The following NMS variants were observed in gnomAD, a reference collection of about 807,000 sequenced individuals.
NMS encodes the protein neuromedin-S.
Under a neutral mutation model 32.2 loss-of-function variants are expected in NMS, and 30 were observed. The ratio of observed to expected loss-of-function variants is 0.93; its 90% CI spans 0.70 to 1.26. The LOEUF (loss-of-function observed/expected upper bound fraction) is 1.26, where lower values mean the gene tolerates loss of function less well. Ranked by LOEUF, NMS falls within the 50% of genes most tolerant of loss-of-function variation. NMS has a pLI of 0.00. For synonymous variants in NMS, 76 were observed against 58.5 expected, an observed-to-expected ratio of 1.30 and a Z score of -1.37; for missense variants, 190 against 186.3, an observed-to-expected ratio of 1.02 and a Z score of -0.12.
intron 5 of NMS, among the ~76,000 whole-genome samples, chr2:100,478,981 G>T (rs1032517598): frequency 6.6e-6 from 1 of 152,134 alleles, no homozygotes; most frequent in Non-Finnish European, 1.5e-5. Context: ...TACGGGGGCT[G>T]CCCTCCACCT....
At chr2:100,481,050 C>A in intron 7 of NMS, 76 bp from the exon 8 acceptor site, 1 of 1,473,830 alleles carries the variant, frequency 6.8e-7, no homozygotes, top group Non-Finnish European at 9.5e-7. Flanking sequence ...ATTTTGAAAA[C>A]TGTTCCTATA....
chr2:100,470,497 T>G lies in NMS; in HGVS notation c.9T>G (p.His3Gln), dbSNP rs771591187. Residue 3 changes from histidine (H) to glutamine (Q), a missense_variant, in exon 1 of 10, where the codon CAT becomes CAG. Physicochemically the swap from His to Gln is conservative, Grantham distance 24. Transcript: ENST00000376865. MK[H>Q]LRPQFPLILA... ...GAAACCAGACTCTCACAATGAAACA[T>G]CTTCGTCCCCAGTTCCCTCTCATCT... 98 of 1,613,694 alleles carry G rather than the reference T, an allele frequency of 6.1e-5. 1 individual carries two copies. The South Asian group carries it at 1.0e-3, about 17-fold the overall frequency.
rs746337222 is a variant in NMS at position 100,481,122 on chromosome 2, G to A, written c.373-4G>A. ...ATAATGGCTTGTGTTTCTATATGTTGCAGGATCACACTGCGACCTGGGGAC... is the reference window on the plus strand; with the variant it reads ...ATAATGGCTTGTGTTTCTATATGTTACAGGATCACACTGCGACCTGGGGAC... On this transcript the variant is annotated splice_polypyrimidine_tract_variant and splice_region_variant and intron_variant, in intron 7 of 9. Transcript: ENST00000376865. 12 of 1,614,020 alleles carry A rather than the reference G, an allele frequency of 7.4e-6. No homozygotes were observed. The highest frequency in any genetic ancestry group is 1.0e-5 in the Non-Finnish European group (12 of 1,179,924).
intron 6 of NMS, 57 bp from the exon 7 acceptor site, chr2:100,480,439 A>G (rs1395044270): frequency 1.9e-6 from 3 of 1,576,622 alleles, no homozygotes; most frequent in Non-Finnish European, 2.6e-6. Context: ...CTGCAAGACA[A>G]CTGCAAGGTC....
At chr2:100,478,142 A>C (rs1677147335) in intron 5 of NMS, among the ~76,000 whole-genome samples, 1 of 152,222 alleles carries the variant, frequency 6.6e-6, no homozygotes, top group East Asian at 1.9e-4. Flanking sequence ...TTGTATTTTT[A>C]GTAGACATGG....
chr2:100,480,441 T>C (rs13393776), intron 6 of NMS, 55 bp from the exon 7 acceptor site: 363,370 of 1,581,790 alleles, frequency 0.23, 43,001 homozygotes, highest in East Asian at 0.32. Flanking sequence ...GCAAGACAAC[T>C]GCAAGGTCAT....
intron 1 of NMS, among the ~76,000 whole-genome samples, chr2:100,472,053 G>C (rs567726448): frequency 6.6e-6 from 1 of 152,238 alleles, no homozygotes; most frequent in East Asian, 1.9e-4. Context: ...GAGAACGCAG[G>C]GAACAAAATA....
chr2:100,472,657 T>C, intron 1 of NMS, 138 bp from the exon 2 acceptor site: 1 of 580,822 alleles, frequency 1.7e-6, no homozygotes, highest in South Asian at 2.4e-5. Context: ...CAGATCTTAC[T>C]TTCCCACTGA....
chr2:100,474,641 C>T (rs1222242239), intron 3 of NMS, among the ~76,000 whole-genome samples: 7 of 152,204 alleles, frequency 4.6e-5, no homozygotes, highest in Admixed American at 3.9e-4. Flanking sequence ...TTAAATGCTT[C>T]ATATTTGTGA....
At chr2:100,480,093 T>A (rs895062966) in intron 6 of NMS, among the ~76,000 whole-genome samples, 1 of 152,200 alleles carries the variant, frequency 6.6e-6, no homozygotes, top group Non-Finnish European at 1.5e-5. Flanking sequence ...TCTGACCCCC[T>A]GCTAACCGCA....
intron 1 of NMS, among the ~76,000 whole-genome samples, chr2:100,471,399 A>C (rs917479707): frequency 6.6e-6 from 1 of 152,208 alleles, no homozygotes; most frequent in Non-Finnish European, 1.5e-5. Flanking sequence ...TGGGCCTTGC[A>C]AAGGACCATG....
intron 9 of NMS, 80 bp downstream of exon 9, chr2:100,482,391 G>A: frequency 7.7e-7 from 1 of 1,306,106 alleles, no homozygotes; most frequent in Non-Finnish European, 1.1e-6. Context: ...AGAGTGAGAG[G>A]CAGCCATGGG....
intron 3 of NMS, among the ~76,000 whole-genome samples, chr2:100,475,089 G>A (rs753616839): frequency 4.3e-4 from 66 of 152,144 alleles, no homozygotes; most frequent in Non-Finnish European, 7.6e-4. Flanking sequence ...GGGCCCACTA[G>A]GAATGAATTT....
chr2:100,473,970 G>A (rs1027507303), intron 3 of NMS, among the ~76,000 whole-genome samples: 1 of 152,092 alleles, frequency 6.6e-6, no homozygotes, highest in East Asian at 1.9e-4. Flanking sequence ...TTGAGGCCAG[G>A]AGCTTGAGTC....
chr2:100,475,530 TCTAC>T (rs1442612113), intron 3 of NMS, among the ~76,000 whole-genome samples: 3 of 152,294 alleles, frequency 2.0e-5, no homozygotes, highest in Admixed American at 6.5e-5. Flanking sequence ...TGAACAGGGC[TCTAC>T]CATTCACTCA....
At chr2:100,480,239 G>C (rs1677190447) in intron 6 of NMS, among the ~76,000 whole-genome samples, 1 of 152,248 alleles carries the variant, frequency 6.6e-6, no homozygotes, top group African/African-American at 2.4e-5. Context: ...GGCGCTGTTA[G>C]GAGGAGCAAG....
chr2:100,472,439 G>GCCC (rs1349728364), intron 1 of NMS, among the ~76,000 whole-genome samples: 11 of 152,186 alleles, frequency 7.2e-5, no homozygotes, highest in African/African-American at 2.7e-4. Flanking sequence ...TTTCTGAGAT[G>GCCC]CCATCCTCAT....
chr2:100,480,513 A>G lies in NMS; in HGVS notation c.354A>G (p.Ala118=), dbSNP rs1463449209. 1.9e-6 allele frequency: 3 copies of G among 1,613,260 alleles called. No homozygotes were observed. The highest frequency in any genetic ancestry group is 1.3e-5 in the African/African-American group (1 of 75,004). ...RILQRGSGTA[A]VDFTKKDHTA... is the part of the protein sequence containing the mutation. ...CCTTGCAGGGCTCGGGGACTGCTGC[A>G]GTGGACTTCACCAAGAAGGTACACA... The change falls in exon 7 of 10, where the codon GCA becomes GCG. Residue 118 remains alanine (A), a synonymous_variant. Coordinates refer to ENST00000376865, the MANE Select transcript of NMS (RefSeq NM_001011717.1).
At chr2:100,482,459 C>A (rs1558670517) in intron 9 of NMS, 148 bp downstream of exon 9, 1 of 733,698 alleles carries the variant, frequency 1.4e-6, no homozygotes, top group Non-Finnish European at 2.3e-6. Context: ...TCTGCCCCTT[C>A]CCTTTTCCTG....
Sources: allele counts gnomAD v4.1 joint callset (sites outside exome capture counted in the v4.1 genomes callset), GRCh38; gene constraint gnomAD v4.1.1; transcripts MANE v1.5; gene names NCBI Gene and HGNC (gene_info 2026-07-23, HGNC 2026-07-21).